PTK2: variants seen among roughly 807,000 people sequenced by gnomAD.
PTK2 encodes focal adhesion kinase 1.
In PTK2, 45 loss-of-function variants were observed where a neutral mutation model predicts 150.1. That is an observed-to-expected ratio of 0.30 (90% CI 0.24 to 0.38). PTK2 has a LOEUF of 0.38. Among genes scored for constraint, PTK2 ranks in the 10% least tolerant of loss-of-function variants. The pLI is 1.00. For synonymous variants in PTK2, 432 were observed against 449.2 expected (o/e 0.96, Z 0.48); for missense variants, 919 against 1,307.3 (o/e 0.70, Z 4.58).
At chr8:140,725,000 T>C (rs2100044921) in intron 22 of PTK2, among the ~76,000 whole-genome samples, 2 of 152,250 alleles carry the variant, frequency 1.3e-5, no homozygotes, top group Admixed American at 6.5e-5. Context: ...TCCAGCTTCA[T>C]GGATATATTG....
intron 4 of PTK2, chr8:140,879,253 A>T (rs2100147520): frequency 2.3e-6 from 1 of 428,246 alleles, no homozygotes; most frequent in Non-Finnish European, 4.0e-6. Flanking sequence ...CAGAAAACGG[A>T]AATCAGATGG....
At chr8:140,747,208 C>T (rs541461000) in intron 17 of PTK2, 23 of 199,272 alleles carry the variant, frequency 1.2e-4, no homozygotes, top group Non-Finnish European at 2.3e-4. Context: ...CTTTTGAAAA[C>T]TCTTTCAGCT....
chr8:140,732,552 T>G (rs763716627), intron 22 of PTK2: 2 of 528,718 alleles, frequency 3.8e-6, no homozygotes, highest in Admixed American at 3.9e-5. Context: ...GCCTGGAGGT[T>G]TGGGCAACAC....
intron 14 of PTK2, 77 bp downstream of exon 15, chr8:140,770,639 A>G (rs1256110685): frequency 3.1e-6 from 2 of 653,362 alleles, no homozygotes; most frequent in Admixed American, 3.6e-5. Flanking sequence ...AGGATAATCT[A>G]TAAGCATCAG....
intron 2 of PTK2, among the ~76,000 whole-genome samples, chr8:140,910,321 G>C (rs1468921741): frequency 6.6e-6 from 1 of 151,732 alleles, no homozygotes; most frequent in Non-Finnish European, 1.5e-5. Flanking sequence ...TTTTTCCCTT[G>C]CCTTTTTTTT....
At chr8:140,918,191 G>A (rs2100166055) in intron 2 of PTK2, among the ~76,000 whole-genome samples, 1 of 152,156 alleles carries the variant, frequency 6.6e-6, no homozygotes. Context: ...CGCCTGAGAG[G>A]AAGAGTTCGG....
At chr8:140,901,115 T>A (rs540668198) in intron 2 of PTK2, among the ~76,000 whole-genome samples, 1 of 152,120 alleles carries the variant, frequency 6.6e-6, no homozygotes, top group Non-Finnish European at 1.5e-5. Context: ...TTACAACCAA[T>A]TCATTTTTGA....
intron 1 of PTK2, among the ~76,000 whole-genome samples, chr8:140,994,281 T>C (rs2100196803): frequency 6.6e-6 from 1 of 152,218 alleles, no homozygotes; most frequent in Non-Finnish European, 1.5e-5. Context: ...TGCTTTTGTC[T>C]ACAAACCATT....
chr8:140,702,810 C>CAG, intron 24 of PTK2, 103 bp from the exon 28 acceptor site: 1 of 1,281,976 alleles, frequency 7.8e-7, no homozygotes, highest in Non-Finnish European at 1.1e-6. Flanking sequence ...TTGTGGTAGG[C>CAG]AGAATTATGG....
At chr8:140,875,154 G>C (rs964630276) in intron 4 of PTK2, among the ~76,000 whole-genome samples, 1 of 152,184 alleles carries the variant, frequency 6.6e-6, no homozygotes, top group Non-Finnish European at 1.5e-5. Context: ...CTGGAATGAG[G>C]AGGTCCAAGC....
At chr8:140,898,867 G>A (rs1205631699) in intron 2 of PTK2, among the ~76,000 whole-genome samples, 10 of 152,126 alleles carry the variant, frequency 6.6e-5, no homozygotes, top group Admixed American at 1.3e-4. Context: ...AAGAAGAGTA[G>A]CTCACTGTTA....
intron 26 of PTK2, among the ~76,000 whole-genome samples, chr8:140,700,421 C>G (rs535247831): frequency 6.6e-6 from 1 of 151,910 alleles, no homozygotes; most frequent in African/African-American, 2.4e-5. Context: ...ATCCTCCTGC[C>G]TTGGCCTCCC....
intron 1 of PTK2, among the ~76,000 whole-genome samples, chr8:140,959,820 C>T (rs1479851446): frequency 6.6e-6 from 1 of 151,590 alleles, no homozygotes; most frequent in Non-Finnish European, 1.5e-5. Flanking sequence ...CAGAGAGACT[C>T]CCCCTTGCCT....
intron 29 of PTK2, 63 bp downstream of exon 32, chr8:140,674,235 T>G (rs1285760735): frequency 6.9e-7 from 1 of 1,459,810 alleles, no homozygotes; most frequent in East Asian, 2.3e-5. Context: ...ACACATCAAC[T>G]GAGAACTAGG....
At chr8:140,950,841 T>C (rs2100179327) in intron 1 of PTK2, among the ~76,000 whole-genome samples, 1 of 152,212 alleles carries the variant, frequency 6.6e-6, no homozygotes, top group African/African-American at 2.4e-5. Flanking sequence ...ATAGGTTATA[T>C]GCAAATATTG....
intron 24 of PTK2, among the ~76,000 whole-genome samples, chr8:140,703,875 CAGTTAATTTTTT>C (rs2100032192): frequency 6.6e-6 from 1 of 152,108 alleles, no homozygotes; most frequent in Non-Finnish European, 1.5e-5. Flanking sequence ...TGGGTGTTGT[CAGTTAATTTTTT>C]AGTGAGATAA....
At chr8:140,911,667 C>G (rs1417630140) in intron 2 of PTK2, among the ~76,000 whole-genome samples, 2 of 152,158 alleles carry the variant, frequency 1.3e-5, no homozygotes, top group Non-Finnish European at 2.9e-5. Flanking sequence ...ACATTTCCAT[C>G]AATGTTTTAT....
At chr8:140,748,979 G>A (rs553680360) in intron 17 of PTK2, among the ~76,000 whole-genome samples, 2 of 152,260 alleles carry the variant, frequency 1.3e-5, no homozygotes, top group South Asian at 2.1e-4. Context: ...TTAAAAATAC[G>A]ATCAACATGT....
intron 1 of PTK2, among the ~76,000 whole-genome samples, chr8:140,995,227 CA>C (rs2100197179): frequency 1.3e-5 from 2 of 151,182 alleles, no homozygotes; most frequent in African/African-American, 4.9e-5. Flanking sequence ...ACTAAAAATA[CA>C]AAAAATTAGC....
Sources: gnomAD v4.1 joint callset for allele counts (sites outside exome capture counted in the v4.1 genomes callset) on GRCh38, gnomAD v4.1.1 for gene constraint, MANE v1.5 for transcripts, NCBI Gene and HGNC (gene_info 2026-07-23, HGNC 2026-07-21) for gene names.